BICC1: variants seen among roughly 807,000 people sequenced by gnomAD.
The protein encoded by BICC1 is protein bicaudal C homolog 1.
BICC1 carries 43 observed loss-of-function variants against 111.0 expected under a neutral mutation model. The ratio of observed to expected loss-of-function variants is 0.39; its 90% CI spans 0.30 to 0.50. The LOEUF (loss-of-function observed/expected upper bound fraction) is 0.50, where lower values mean the gene tolerates loss of function less well. Ranked by LOEUF, BICC1 falls within the 20% of genes least tolerant of loss-of-function variation. The pLI is 0.88. For missense variants in BICC1, 1,091 were observed against 1,203.2 expected (o/e 0.91, Z 1.38); for synonymous variants, 467 against 434.4 (o/e 1.07, Z -0.93).
At chr10:58,630,593 T>G (rs563500466) in intron 2 of BICC1, among the ~76,000 whole-genome samples, 1 of 152,260 alleles carries the variant, frequency 6.6e-6, no homozygotes, top group South Asian at 2.1e-4. Flanking sequence ...CACGCCTAGC[T>G]TTCAGGTTCT....
intron 2 of BICC1, among the ~76,000 whole-genome samples, chr10:58,697,083 T>A (rs1840085904): frequency 6.6e-6 from 1 of 152,228 alleles, no homozygotes; most frequent in African/African-American, 2.4e-5. Flanking sequence ...CAGGTAACAT[T>A]TCACACAACT....
chr10:58,788,168 C>T (rs1011896130), intron 5 of BICC1, among the ~76,000 whole-genome samples: 2 of 151,990 alleles, frequency 1.3e-5, no homozygotes, highest in African/African-American at 4.8e-5. Context: ...CACAAATTAC[C>T]TGAGGATCTC....
chr10:58,794,920 A>G (rs1165749437), intron 9 of BICC1, among the ~76,000 whole-genome samples: 2 of 152,158 alleles, frequency 1.3e-5, no homozygotes, highest in East Asian at 1.9e-4. Flanking sequence ...AAGAGACAAC[A>G]CGAGAATGGT....
At chr10:58,546,400 A>C (rs997290389) in intron 1 of BICC1, among the ~76,000 whole-genome samples, 7 of 152,212 alleles carry the variant, frequency 4.6e-5, no homozygotes, top group Non-Finnish European at 1.0e-4. Context: ...CTGTTTTTCA[A>C]ACCAAGTGGT....
intron 2 of BICC1, among the ~76,000 whole-genome samples, chr10:58,652,720 T>A (rs1444077175): frequency 2.6e-5 from 4 of 152,144 alleles, no homozygotes; most frequent in African/African-American, 9.7e-5. Context: ...ACATTTTTGT[T>A]TCATGATTTT....
At chr10:58,642,310 A>G (rs958605764) in intron 2 of BICC1, among the ~76,000 whole-genome samples, 2 of 152,144 alleles carry the variant, frequency 1.3e-5, no homozygotes, top group African/African-American at 4.8e-5. Flanking sequence ...GGGTGTTTTC[A>G]TGTACTGAGT....
intron 3 of BICC1, among the ~76,000 whole-genome samples, chr10:58,745,062 T>G (rs1841789981): frequency 6.6e-6 from 1 of 152,214 alleles, no homozygotes; most frequent in Admixed American, 6.5e-5. Context: ...ACATTCTTGA[T>G]TAAATGTTAT....
intron 3 of BICC1, among the ~76,000 whole-genome samples, chr10:58,780,317 CTTTTG>C (rs1192508852): frequency 6.6e-6 from 1 of 152,028 alleles, no homozygotes; most frequent in Non-Finnish European, 1.5e-5. Flanking sequence ...GATACGATAA[CTTTTG>C]TTTTGTTTTT....
intron 3 of BICC1, among the ~76,000 whole-genome samples, chr10:58,782,561 C>T (rs1314030088): frequency 6.6e-6 from 1 of 152,124 alleles, no homozygotes; most frequent in Non-Finnish European, 1.5e-5. Context: ...TTCTAATCAC[C>T]CACAGTAGTA....
chr10:58,513,282 A>G lies in BICC1; in HGVS notation c.139A>G (p.Ser47Gly). ...GGCGACCCTGCACAGCCCGGAGTGG[A>G]GCGAGGAGCGCTTCCGCGTGGACAG... ...AGATLHSPEW[S>G]EERFRVDRKK... is the part of the protein sequence containing the mutation. Residue 47 changes from serine to glycine, a missense_variant, in exon 1 of 21, where the codon AGC (serine) becomes GGC (glycine). Around this residue, in one of 3 missense-constraint regions of BICC1, gnomAD observed 843 missense variants for 900.8 expected, o/e 0.94. Coordinates refer to ENST00000373886, the MANE Select transcript of BICC1 (RefSeq NM_001080512.3). 10 of 1,612,278 alleles carry G rather than the reference A, an allele frequency of 6.2e-6. No homozygotes were observed. Among genetic ancestry groups the G allele is most frequent in the Non-Finnish European group, 8.5e-6 (10 of 1,179,098 alleles).
rs1031329281 is a variant in BICC1 at position 58,831,387 on chromosome 10, T to A, written c.*2496T>A. The A allele has an allele frequency of 6.6e-6, 1 of 152,190 alleles. No homozygotes were observed. The highest frequency in any genetic ancestry group is 1.5e-5 in the Non-Finnish European group (1 of 68,032). The allele number at this position is 152,190 out of a possible 1,614,324, so 9.4% of individuals were successfully genotyped here. A position where few individuals can be genotyped will look rare whatever the true frequency, so the allele number is the denominator to read the frequency against. ...GGGAAATTTTTCTAACTGAATCAAT[T>A]GTTACATGAAAAATAAATTTATATA... On this transcript the variant is annotated 3_prime_UTR_variant, in exon 21 of 21. Coordinates refer to ENST00000373886, the MANE Select transcript of BICC1 (RefSeq NM_001080512.3).
chr10:58,698,347 G>T (rs1840127842), intron 2 of BICC1, among the ~76,000 whole-genome samples: 1 of 152,126 alleles, frequency 6.6e-6, no homozygotes, highest in Non-Finnish European at 1.5e-5. Flanking sequence ...GGCCTTGCAG[G>T]TACCAGCCCT....
chr10:58,679,188 A>G (rs1461043966), intron 2 of BICC1, among the ~76,000 whole-genome samples: 1 of 152,228 alleles, frequency 6.6e-6, no homozygotes, highest in African/African-American at 2.4e-5. Flanking sequence ...CTAAGATCAG[A>G]GCAGAACTGA....
chr10:58,820,221 T>G, intron 19 of BICC1, 148 bp from the exon 20 acceptor site: 2 of 540,010 alleles, frequency 3.7e-6, no homozygotes, highest in East Asian at 6.1e-5. Flanking sequence ...TTCTTAATTC[T>G]TGTTTCTTAG....
intron 3 of BICC1, among the ~76,000 whole-genome samples, chr10:58,763,016 G>A (rs544142534): frequency 1.1e-4 from 16 of 151,908 alleles, no homozygotes; most frequent in Middle Eastern, 3.4e-3. Flanking sequence ...GTTGTTTTAA[G>A]GCCCTGTGAT....
intron 17 of BICC1, among the ~76,000 whole-genome samples, chr10:58,808,735 C>T (rs1207627961): frequency 7.3e-5 from 8 of 108,852 alleles, no homozygotes; most frequent in Admixed American, 9.6e-5. Flanking sequence ...TTTTTTTTGA[C>T]GTGGAGTCTC....
chr10:58,814,847 T>C (rs963837263), intron 18 of BICC1, among the ~76,000 whole-genome samples: 3 of 151,960 alleles, frequency 2.0e-5, no homozygotes, highest in African/African-American at 7.2e-5. Flanking sequence ...TCTTAGACCA[T>C]TGAAGAAAGA....
intron 2 of BICC1, among the ~76,000 whole-genome samples, chr10:58,621,122 T>C (rs1845790569): frequency 6.6e-6 from 1 of 152,194 alleles, no homozygotes; most frequent in South Asian, 2.1e-4. Context: ...ATGAAATTTT[T>C]GCTTAAAGGC....
At chr10:58,637,116 G>T (rs1837975832) in intron 2 of BICC1, among the ~76,000 whole-genome samples, 1 of 151,512 alleles carries the variant, frequency 6.6e-6, no homozygotes, top group Admixed American at 6.6e-5. Flanking sequence ...ATTCTTATAT[G>T]GGGAAAAATT....
Sources: gnomAD v4.1 joint callset for allele counts (sites outside exome capture counted in the v4.1 genomes callset) on GRCh38, gnomAD v4.1.1 for gene constraint, gnomAD v4.1.1 regional missense constraint, MANE v1.5 for transcripts, NCBI Gene and HGNC (gene_info 2026-07-23, HGNC 2026-07-21) for gene names.